SLC7A1: variants seen among roughly 807,000 people sequenced by gnomAD.
SLC7A1 encodes high affinity cationic amino acid transporter 1.
SLC7A1 carries 10 observed loss-of-function variants against 53.9 expected under a neutral mutation model. The observed-to-expected ratio is 0.19, with a 90% confidence interval of 0.11 to 0.31. The LOEUF (loss-of-function observed/expected upper bound fraction) is 0.31. SLC7A1 is among the 10% of genes least tolerant of loss of function. The probability of loss-of-function intolerance (pLI) is 1.00; values close to 1 mark genes in which losing one functional copy is unlikely to be tolerated. For synonymous variants in SLC7A1, 342 were observed against 338.7 expected, an observed-to-expected ratio of 1.01 and a Z score of -0.11; for missense variants, 525 against 827.2, an observed-to-expected ratio of 0.63 and a Z score of 4.48.
Position 29,523,409 on chromosome 13 carries a change from A to G in SLC7A1, c.906T>C (p.Phe302=). The part of the protein sequence containing the change: ...ASLLICFIAY[F]GVSAALTLMM... ...TGAGCGTGAGGGCAGCCGACACCCC[A>G]AAGTAGGCGATGAAGCAGATCAAGA... Residue 302 remains phenylalanine, a synonymous_variant, in exon 7 of 13, where the codon TTT becomes TTC. Coordinates refer to ENST00000380752, the MANE Select transcript of SLC7A1 (RefSeq NM_003045.5). 2 of 1,613,894 alleles carry G rather than the reference A, an allele frequency of 1.2e-6. No individual in the cohort carries two copies. Among genetic ancestry groups the G allele is most frequent in the East Asian group, 2.2e-5 (1 of 44,848 alleles).
In SLC7A1 at chr13:29,523,581, C is replaced by G. The variant is rs146732949; in HGVS notation, c.827-93G>C. On this transcript the variant is annotated intron_variant, in intron 6 of 12. Coordinates refer to ENST00000380752, the MANE Select transcript of SLC7A1 (RefSeq NM_003045.5). Reference sequence around the variant, plus strand: ...CCAAGGCCTCTCAGTGCCCCGGAACCCACGTGACCCTACGAGAAACCTCCC... The same window carrying G: ...CCAAGGCCTCTCAGTGCCCCGGAACGCACGTGACCCTACGAGAAACCTCCC... 3,833 of 921,428 alleles carry G rather than the reference C, an allele frequency of 4.2e-3. 172 individuals carry two copies. The Admixed American group carries it at 0.068, about 16-fold the overall frequency. 57.1% of individuals were successfully genotyped at this position (921,428 alleles called of 1,614,324 possible). A position where few individuals can be genotyped will look rare whatever the true frequency, so the allele number is the denominator to read the frequency against.
intron 8 of SLC7A1, 108 bp from the exon 9 acceptor site, chr13:29,519,657 C>A: frequency 3.2e-6 from 2 of 616,442 alleles, no homozygotes; most frequent in South Asian, 2.0e-5. Flanking sequence ...GCTGCTTTTA[C>A]TCCCACCCCC....
At chr13:29,583,838 A>T (rs1366044429) in intron 1 of SLC7A1, among the ~76,000 whole-genome samples, 1 of 152,250 alleles carries the variant, frequency 6.6e-6, no homozygotes, top group Non-Finnish European at 1.5e-5. Flanking sequence ...AGAACTAATG[A>T]GTGCTCTTGC....
chr13:29,575,964 G>A (rs1310257979), intron 1 of SLC7A1, among the ~76,000 whole-genome samples: 1 of 151,974 alleles, frequency 6.6e-6, no homozygotes, highest in Non-Finnish European at 1.5e-5. Context: ...ACAACAACAT[G>A]AACTCATGGC....
chr13:29,567,144 C>T (rs1351919335), intron 1 of SLC7A1, among the ~76,000 whole-genome samples: 1 of 152,206 alleles, frequency 6.6e-6, no homozygotes, highest in Non-Finnish European at 1.5e-5. Flanking sequence ...ATTGCAAATA[C>T]AAGCTCCTGT....
intron 5 of SLC7A1, among the ~76,000 whole-genome samples, chr13:29,525,019 G>A (rs1041814949): frequency 2.0e-5 from 3 of 152,280 alleles, no homozygotes; most frequent in Middle Eastern, 3.4e-3. Flanking sequence ...GGGCCCTGTC[G>A]GGGGTCCTTC....
chr13:29,518,883 C>T (rs1222836223), intron 9 of SLC7A1, among the ~76,000 whole-genome samples: 1 of 151,992 alleles, frequency 6.6e-6, no homozygotes, highest in African/African-American at 2.4e-5. Flanking sequence ...AGCCTAGGCC[C>T]AGAGCAGCTT....
intron 1 of SLC7A1, among the ~76,000 whole-genome samples, chr13:29,576,292 T>TAA (rs146432104): frequency 1.5e-4 from 16 of 107,178 alleles, no homozygotes; most frequent in South Asian, 6.0e-4. Context: ...ATCCTGTTTT[T>TAA]TAAAAAAAAA....
At chr13:29,524,664 A>G (rs186773672) in intron 5 of SLC7A1, among the ~76,000 whole-genome samples, 1 of 152,148 alleles carries the variant, frequency 6.6e-6, no homozygotes, top group Non-Finnish European at 1.5e-5. Flanking sequence ...CATATTTACC[A>G]GTAACTCAAT....
rs768739770 is a variant in SLC7A1, at chr13:29,524,220, T to C, written c.738A>G (p.Gly246=). 2 of 1,613,996 alleles carry C rather than the reference T, an allele frequency of 1.2e-6. No individual in the cohort carries two copies. Among genetic ancestry groups the C allele is most frequent in the Admixed American group, 3.3e-5 (2 of 60,004 alleles). The change falls in exon 6 of 13, where the codon GGA becomes GGG. Residue 246 remains glycine (G), a synonymous_variant. Coordinates refer to ENST00000380752, the MANE Select transcript of SLC7A1 (RefSeq NM_003045.5). ...CACCAGAGAACCCGAAGGGCATGAA[T>C]CCACCAACACCGGGCTTCCCTTCTT... ...DTKEGKPGVG[G]FMPFGFSGVL...
At chr13:29,534,896 C>A (rs1158538850) in intron 3 of SLC7A1, among the ~76,000 whole-genome samples, 3 of 152,194 alleles carry the variant, frequency 2.0e-5, no homozygotes, top group African/African-American at 7.2e-5. Flanking sequence ...ATGTGTTCAA[C>A]TTCAGTTGTA....
chr13:29,582,833 C>G (rs1024659144), intron 1 of SLC7A1, among the ~76,000 whole-genome samples: 7 of 152,168 alleles, frequency 4.6e-5, no homozygotes, highest in African/African-American at 1.7e-4. Context: ...TGCACACTCA[C>G]TGAGATACGT....
chr13:29,578,975 G>A (rs1446652784), intron 1 of SLC7A1, among the ~76,000 whole-genome samples: 1 of 152,162 alleles, frequency 6.6e-6, no homozygotes, highest in Non-Finnish European at 1.5e-5. Context: ...CCTCAGGAGG[G>A]CAGAAGAGAA....
intron 1 of SLC7A1, among the ~76,000 whole-genome samples, chr13:29,594,586 GT>G (rs1030130072): frequency 2.6e-5 from 4 of 152,220 alleles, no homozygotes; most frequent in Non-Finnish European, 5.9e-5. Context: ...TGCCTGGGAA[GT>G]TTTCTACTAC....
At chr13:29,530,788 A>G (rs967547568) in intron 4 of SLC7A1, 76 bp from the exon 5 acceptor site, 11 of 1,257,708 alleles carry the variant, frequency 8.7e-6, no homozygotes, top group Non-Finnish European at 1.3e-5. Context: ...GGATGGGGAT[A>G]AGAAGGCGAC....
intron 4 of SLC7A1, among the ~76,000 whole-genome samples, chr13:29,531,799 A>G (rs947449592): frequency 6.6e-6 from 1 of 152,188 alleles, no homozygotes; most frequent in Non-Finnish European, 1.5e-5. Flanking sequence ...GCGCAACTGC[A>G]CTCCAGCCTG....
intron 1 of SLC7A1, among the ~76,000 whole-genome samples, chr13:29,554,133 A>C (rs1426152336): frequency 6.6e-6 from 1 of 152,200 alleles, no homozygotes; most frequent in African/African-American, 2.4e-5. Flanking sequence ...TATTTCAAAG[A>C]GGAAGATAGA....
intron 2 of SLC7A1, among the ~76,000 whole-genome samples, chr13:29,551,862 G>T (rs140859057): frequency 2.7e-4 from 41 of 152,186 alleles, no homozygotes; most frequent in African/African-American, 9.9e-4. Context: ...CACCGCCTTT[G>T]GGAAGGTGCA....
chr13:29,578,873 C>T (rs551685827), intron 1 of SLC7A1, among the ~76,000 whole-genome samples: 4 of 152,364 alleles, frequency 2.6e-5, no homozygotes, highest in East Asian at 1.9e-4. Context: ...CCCTTCTCTC[C>T]GCAGGCGGGG....
Sources: allele counts gnomAD v4.1 joint callset (sites outside exome capture counted in the v4.1 genomes callset), GRCh38; gene constraint gnomAD v4.1.1; transcripts MANE v1.5; gene names NCBI Gene and HGNC (gene_info 2026-07-23, HGNC 2026-07-21).